Variants in HIP1 observed in about 807,000 individuals in gnomAD.
The protein encoded by HIP1 is huntingtin-interacting protein 1.
HIP1 carries 65 observed loss-of-function variants against 147.6 expected under a neutral mutation model. The observed-to-expected ratio is 0.44, with a 90% CI of 0.36 to 0.54. The LOEUF is 0.54. Among genes scored for constraint, HIP1 ranks in the 20% least tolerant of loss-of-function variants. The pLI is 0.00. For synonymous variants in HIP1, 479 were observed against 504.0 expected, an observed-to-expected ratio of 0.95 and a Z score of 0.67; for missense variants, 1,061 against 1,299.6, an observed-to-expected ratio of 0.82 and a Z score of 2.82.
intron 1 of HIP1, among the ~76,000 whole-genome samples, chr7:75,639,381 C>G (rs1323811106): frequency 6.7e-6 from 1 of 150,114 alleles, no homozygotes; most frequent in African/African-American, 2.4e-5. Flanking sequence ...CGGGAAATCC[C>G]GGAATCAGCT....
At position 75,594,954 on chromosome 7, in the gene HIP1, C is replaced by T. The variant is rs374266919; in HGVS notation, c.185-2440G>A. On this transcript the variant is annotated intron_variant, in intron 2 of 30. Transcript: ENST00000336926. Reference sequence around the variant, plus strand: ...TCAGTTGTTAGGACAACTCTGTGCCCGGAACTTTAGGCTTTACTCAGCAAG... The same window carrying T: ...TCAGTTGTTAGGACAACTCTGTGCCTGGAACTTTAGGCTTTACTCAGCAAG... Among the ~76,000 whole-genome samples the T allele has an allele frequency of 3.9e-5, 6 of 152,252 alleles. No homozygotes were observed. The East Asian group carries it at 5.8e-4, about 15-fold the overall frequency.
chr7:75,611,202 C>A (rs587599666), intron 1 of HIP1, among the ~76,000 whole-genome samples: 8 of 151,866 alleles, frequency 5.3e-5, no homozygotes, highest in Non-Finnish European at 1.0e-4. Context: ...TGCGGTGGCT[C>A]ATACCTGTAA....
intron 1 of HIP1, among the ~76,000 whole-genome samples, chr7:75,709,112 T>TC (rs1215914063): frequency 2.0e-5 from 3 of 149,930 alleles, no homozygotes; most frequent in Admixed American, 6.6e-5. Flanking sequence ...TTCTTTTCTT[T>TC]TTTTTTTTTT....
chr7:75,552,052 G>A, intron 22 of HIP1, among the ~76,000 whole-genome samples: 1 of 151,408 alleles, frequency 6.6e-6, no homozygotes, highest in South Asian at 2.1e-4. Flanking sequence ...ATCACGCCTG[G>A]CTAATTTTTT....
At chr7:75,629,081 G>A (rs1798131386) in intron 1 of HIP1, among the ~76,000 whole-genome samples, 1 of 152,272 alleles carries the variant, frequency 6.6e-6, no homozygotes, top group East Asian at 1.9e-4. Flanking sequence ...CCCAGAATAC[G>A]AGGCTGAACT....
intron 5 of HIP1, among the ~76,000 whole-genome samples, chr7:75,583,452 T>C (rs7780207): frequency 3.0e-4 from 46 of 152,220 alleles, no homozygotes; most frequent in African/African-American, 1.1e-3. Context: ...GCTTAACCCA[T>C]AGAGAGTGTC....
At chr7:75,623,197 C>CA (rs36071638) in intron 1 of HIP1, among the ~76,000 whole-genome samples, 21,265 of 51,152 alleles carry the variant, frequency 0.42, 3,357 homozygotes, top group African/African-American at 0.6. Flanking sequence ...GACTCCATCT[C>CA]AAAAAAAAAA....
At chr7:75,680,331 C>T (rs1800021797) in intron 1 of HIP1, among the ~76,000 whole-genome samples, 1 of 152,104 alleles carries the variant, frequency 6.6e-6, no homozygotes, top group African/African-American at 2.4e-5. Flanking sequence ...GCGTGAGTTA[C>T]AGCACCTGGC....
Position 75,537,319 on chromosome 7 carries a change from A to G in HIP1, c.*853T>C, listed in dbSNP as rs901601459. 4.3e-6 allele frequency: 1 copy of G among 232,700 alleles called. No individual in the cohort carries two copies. Among genetic ancestry groups the G allele is most frequent in the African/African-American group, 2.2e-5 (1 of 45,254 alleles). The allele number at this position is 232,700 out of a possible 1,614,324, so 14.4% of individuals were successfully genotyped here. A position where few individuals can be genotyped will look rare whatever the true frequency, so the allele number is the denominator to read the frequency against. On this transcript the variant is annotated 3_prime_UTR_variant, in exon 31 of 31. Coordinates refer to ENST00000336926, the MANE Select transcript of HIP1 (RefSeq NM_005338.7). ...GCACTCACTCTCCTTCTGCTTTTTG[A>G]GGAAAGCTGTCACTCAGCAGCTCCG... is the stretch of plus-strand genomic sequence containing the variant.
chr7:75,561,109 C>T (rs775506907), intron 13 of HIP1, among the ~76,000 whole-genome samples: 1 of 152,102 alleles, frequency 6.6e-6, no homozygotes, highest in Non-Finnish European at 1.5e-5. Flanking sequence ...CCTGCCAACA[C>T]ACCCGGCTAA....
intron 29 of HIP1, 128 bp from the exon 30 acceptor site, chr7:75,539,559 A>G: frequency 1.5e-6 from 1 of 688,600 alleles, no homozygotes; most frequent in East Asian, 2.8e-5. Flanking sequence ...GCCTCAAGAG[A>G]TCCTCCTGTC....
intron 1 of HIP1, among the ~76,000 whole-genome samples, chr7:75,723,350 C>T (rs567550977): frequency 3.2e-4 from 49 of 152,170 alleles, no homozygotes; most frequent in Non-Finnish European, 5.3e-4. Flanking sequence ...CCACCCTGGG[C>T]GACAGAGCAA....
At chr7:75,556,676 ACT>A (rs782250888) in intron 17 of HIP1, 32 bp downstream of exon 17, 26 of 1,305,068 alleles carry the variant, frequency 2.0e-5, no homozygotes, top group African/African-American at 1.6e-4. Flanking sequence ...ACAGAAGAAG[ACT>A]CTATCTCCAA....
At chr7:75,643,757 T>C (rs576828644) in intron 1 of HIP1, among the ~76,000 whole-genome samples, 3 of 152,288 alleles carry the variant, frequency 2.0e-5, no homozygotes, top group Admixed American at 1.3e-4. Context: ...CCCAGAACTT[T>C]GGGAGGCCCA....
chr7:75,588,761 G>T (rs1003864529), intron 4 of HIP1, among the ~76,000 whole-genome samples: 1 of 151,862 alleles, frequency 6.6e-6, no homozygotes, highest in Non-Finnish European at 1.5e-5. Context: ...GTGACAGAGT[G>T]AGACCCTGTC....
chr7:75,558,482 C>T (rs990248324), intron 14 of HIP1, among the ~76,000 whole-genome samples: 2 of 152,114 alleles, frequency 1.3e-5, no homozygotes, highest in Non-Finnish European at 2.9e-5. Flanking sequence ...GGTTCATGGG[C>T]ACACGCCACC....
chr7:75,625,209 TTTAAG>T (rs1278494990), intron 1 of HIP1: 1 of 152,108 alleles, frequency 6.6e-6, no homozygotes, highest in Non-Finnish European at 1.5e-5. Flanking sequence ...GCCACCATTG[TTTAAG>T]TTTTTATAGA....
chr7:75,738,809 G>T lies in HIP1; in HGVS notation c.112C>A (p.Arg38=). 6.2e-7 allele frequency: 1 copy of T among 1,601,114 alleles called. No homozygotes were observed. ...GGGTCCCCCGTCCTCACCTGAGTCC[G>T]CTCGAAGCTCTCGCGCTCCGCCGCC... ...LEAAERESFE[R]TQTVSINKAI... is the part of the protein sequence containing the mutation. The change falls in exon 1 of 31, where the codon CGG becomes AGG. Residue 38 remains arginine, a synonymous_variant. Transcript: ENST00000336926.
At chr7:75,660,695 C>T (rs1399741410) in intron 1 of HIP1, among the ~76,000 whole-genome samples, 2 of 152,112 alleles carry the variant, frequency 1.3e-5, no homozygotes, top group African/African-American at 4.8e-5. Flanking sequence ...ATAGTAAAGG[C>T]ACGTGGTTTG....
Sources: gnomAD v4.1 joint callset for allele counts (sites outside exome capture counted in the v4.1 genomes callset) on GRCh38, gnomAD v4.1.1 for gene constraint, MANE v1.5 for transcripts, NCBI Gene and HGNC (gene_info 2026-07-23, HGNC 2026-07-21) for gene names.